Variants in PITPNB observed in about 807,000 individuals in gnomAD.
PITPNB encodes phosphatidylinositol transfer protein beta.
PITPNB carries 16 observed loss-of-function variants against 45.9 expected under a neutral mutation model. The observed-to-expected ratio is 0.35, with a 90% CI of 0.24 to 0.53. PITPNB has a LOEUF of 0.53. Among genes scored for constraint, PITPNB ranks in the 20% least tolerant of loss-of-function variants. The pLI is 0.93. For synonymous variants in PITPNB, 112 were observed against 108.9 expected (o/e 1.03, Z -0.18); for missense variants, 188 against 330.5 (o/e 0.57, Z 3.34).
At chr22:27,900,847 A>T (rs1935571493) in intron 3 of PITPNB, among the ~76,000 whole-genome samples, 2 of 152,216 alleles carry the variant, frequency 1.3e-5, no homozygotes, top group Non-Finnish European at 2.9e-5. Context: ...CCTCATTTGG[A>T]AGCTTAGCCT....
intron 10 of PITPNB, among the ~76,000 whole-genome samples, chr22:27,857,928 T>C (rs1049019603): frequency 3.9e-5 from 6 of 152,098 alleles, no homozygotes; most frequent in African/African-American, 1.4e-4. Flanking sequence ...AGAGGAGGCA[T>C]TTCCAGAATT....
rs943853882 is a variant in PITPNB, at chr22:27,852,841, G to A, written c.*861C>T. The A allele has an allele frequency of 1.3e-5, 2 of 152,546 alleles. No homozygotes were observed. Among genetic ancestry groups the A allele is most frequent in the East Asian group, 1.9e-4 (1 of 5,196 alleles). 9.4% of individuals were successfully genotyped at this position (152,546 alleles called of 1,614,324 possible). A position where few individuals can be genotyped will look rare whatever the true frequency, so the allele number is the denominator to read the frequency against. On this transcript the variant is annotated 3_prime_UTR_variant, in exon 12 of 12. Transcript: ENST00000335272. The stretch of plus-strand genomic sequence containing the variant: ...CTTCATCAATGTGTTTGTCTAACAG[G>A]AGCCTGAAAACTGTCTAGTATTTAT...
intron 1 of PITPNB, among the ~76,000 whole-genome samples, chr22:27,915,812 T>C (rs531861055): frequency 6.6e-6 from 1 of 152,220 alleles, no homozygotes; most frequent in South Asian, 2.1e-4. Flanking sequence ...AAGCTATAGG[T>C]TGGGAGCAGA....
At chr22:27,879,702 T>C (rs923188568) in intron 7 of PITPNB, among the ~76,000 whole-genome samples, 5 of 152,318 alleles carry the variant, frequency 3.3e-5, no homozygotes, top group African/African-American at 1.2e-4. Context: ...ATACTGCATA[T>C]ACCTGAAATG....
intron 7 of PITPNB, among the ~76,000 whole-genome samples, chr22:27,886,387 T>C (rs557491996): frequency 3.3e-5 from 5 of 152,214 alleles, no homozygotes; most frequent in Non-Finnish European, 7.3e-5. Flanking sequence ...ATACATATGA[T>C]TTTTGTAGCA....
chr22:27,869,961 T>C (rs1934603766), intron 8 of PITPNB, among the ~76,000 whole-genome samples: 1 of 152,056 alleles, frequency 6.6e-6, no homozygotes, highest in Non-Finnish European at 1.5e-5. Context: ...GTACCACTAG[T>C]GTAACAGAAA....
chr22:27,916,718 G>T (rs532574440), intron 1 of PITPNB, among the ~76,000 whole-genome samples: 1 of 152,132 alleles, frequency 6.6e-6, no homozygotes, highest in Non-Finnish European at 1.5e-5. Flanking sequence ...CAGGAAAATC[G>T]CTTGAACCTG....
At chr22:27,896,705 G>A in intron 5 of PITPNB, 79 bp from the exon 6 acceptor site, 1 of 873,610 alleles carries the variant, frequency 1.1e-6, no homozygotes, top group East Asian at 2.5e-5. Context: ...GCTTTTCCCA[G>A]TATAGGCATC....
At chr22:27,887,712 C>A (rs1935164623) in intron 7 of PITPNB, among the ~76,000 whole-genome samples, 1 of 152,142 alleles carries the variant, frequency 6.6e-6, no homozygotes, top group South Asian at 2.1e-4. Flanking sequence ...AGGCACTAAA[C>A]ATTGACTGCT....
intron 7 of PITPNB, among the ~76,000 whole-genome samples, chr22:27,887,104 A>T (rs1935143845): frequency 6.6e-6 from 1 of 152,224 alleles, no homozygotes; most frequent in Non-Finnish European, 1.5e-5. Flanking sequence ...ATGAAATTTT[A>T]AATTGGGTAA....
rs746860527 is a variant in PITPNB, at chr22:27,914,359, A to G, written c.21-12T>C. 1.6e-5 allele frequency: 25 copies of G among 1,555,984 alleles called. 1 individual carries two copies. In the South Asian group the frequency reaches 2.1e-4, roughly 13 times the overall value. Reference sequence around the variant, plus strand: ...GCAAAACCACACGGCTAAAAAGACAAAAGAAAAAATATATATATTACATAT... The same window carrying G: ...GCAAAACCACACGGCTAAAAAGACAGAAGAAAAAATATATATATTACATAT... On this transcript the variant is annotated splice_polypyrimidine_tract_variant and intron_variant, in intron 1 of 11. Coordinates refer to ENST00000335272, the MANE Select transcript of PITPNB (RefSeq NM_012399.5).
chr22:27,906,450 T>C (rs1208530285), intron 3 of PITPNB, among the ~76,000 whole-genome samples: 34 of 152,196 alleles, frequency 2.2e-4, no homozygotes, highest in Admixed American at 2.2e-3. Flanking sequence ...CTTCAGGAAA[T>C]GGAAAATAAC....
intron 10 of PITPNB, among the ~76,000 whole-genome samples, chr22:27,857,079 T>C (rs1934195289): frequency 6.6e-6 from 1 of 152,328 alleles, no homozygotes; most frequent in East Asian, 1.9e-4. Context: ...CTTCCACTCT[T>C]GCCATCTCAT....
intron 7 of PITPNB, among the ~76,000 whole-genome samples, chr22:27,874,053 G>C (rs1012673281): frequency 6.6e-6 from 1 of 152,138 alleles, no homozygotes; most frequent in Admixed American, 6.5e-5. Flanking sequence ...AAAAGTCCTG[G>C]ACTAGCAATC....
At chr22:27,892,524 G>C (rs5762396) in intron 7 of PITPNB, among the ~76,000 whole-genome samples, 25,287 of 152,046 alleles carry the variant, frequency 0.17, 2,277 homozygotes, top group South Asian at 0.26. Flanking sequence ...CCCGATCCTG[G>C]TGTGGCATAC....
intron 8 of PITPNB, among the ~76,000 whole-genome samples, chr22:27,872,516 A>T (rs78266784): frequency 1.8e-4 from 28 of 152,356 alleles, no homozygotes; most frequent in African/African-American, 6.7e-4. Context: ...AACAAATGTG[A>T]AAATAATATA....
chr22:27,892,167 C>T (rs1415511264), intron 7 of PITPNB, among the ~76,000 whole-genome samples: 1 of 152,168 alleles, frequency 6.6e-6, no homozygotes, highest in African/African-American at 2.4e-5. Context: ...CCTGGAGCAC[C>T]TATCTCAAGT....
At chr22:27,869,756 G>C (rs1934598470) in intron 8 of PITPNB, among the ~76,000 whole-genome samples, 1 of 152,110 alleles carries the variant, frequency 6.6e-6, no homozygotes, top group African/African-American at 2.4e-5. Flanking sequence ...CTTCTGTGCT[G>C]GGAACTTAAC....
chr22:27,861,530 A>T (rs1934332547), intron 8 of PITPNB, among the ~76,000 whole-genome samples: 1 of 152,210 alleles, frequency 6.6e-6, no homozygotes. Context: ...TGATGTGTGC[A>T]GAAGACCAAG....
Sources: gnomAD v4.1 joint callset for allele counts (sites outside exome capture counted in the v4.1 genomes callset) on GRCh38, gnomAD v4.1.1 for gene constraint, MANE v1.5 for transcripts, NCBI Gene and HGNC (gene_info 2026-07-23, HGNC 2026-07-21) for gene names.